ERAP1: variants seen among roughly 807,000 people sequenced by gnomAD.
The protein encoded by ERAP1 is endoplasmic reticulum aminopeptidase 1.
A neutral mutation model predicts 103.7 loss-of-function variants in ERAP1; 86 were observed. The observed-to-expected ratio is 0.83, with a 90% confidence interval of 0.70 to 0.99. The LOEUF (loss-of-function observed/expected upper bound fraction) is 0.99. Ranked by LOEUF, ERAP1 falls within the 50% of genes least tolerant of loss-of-function variation. ERAP1 has a pLI of 0.00. For synonymous variants in ERAP1, 398 were observed against 402.4 expected, an observed-to-expected ratio of 0.99 and a Z score of 0.13; for missense variants, 1,009 against 1,128.4, an observed-to-expected ratio of 0.89 and a Z score of 1.52.
chr5:96,818,263 A>T, the ERAP1 span, among the ~76,000 whole-genome samples: 1 of 151,706 alleles, frequency 6.6e-6, no homozygotes, highest in South Asian at 2.1e-4. Context: ...TGCTCAACAC[A>T]CCTCCCTTTC....
chr5:96,895,394 T>A, the ERAP1 span: 1 of 1,328,382 alleles, frequency 7.5e-7, no homozygotes, highest in African/African-American at 1.5e-5. Flanking sequence ...TACTATATGG[T>A]GTAAAGAATC....
chr5:96,869,498 C>A, the ERAP1 span, among the ~76,000 whole-genome samples: 4,735 of 152,214 alleles, frequency 0.031, 268 homozygotes, highest in African/African-American at 0.11. Context: ...ATTTAGTTTA[C>A]AGATTTATTA....
At chr5:96,861,765 C>A in the ERAP1 span, among the ~76,000 whole-genome samples, 1 of 152,150 alleles carries the variant, frequency 6.6e-6, no homozygotes, top group African/African-American at 2.4e-5. Flanking sequence ...AAGTACATGG[C>A]CCAGCATTTG....
chr5:96,790,412 C>T, intron 9 of ERAP1, 45 bp from the exon 10 acceptor site: 7 of 1,609,882 alleles, frequency 4.3e-6, no homozygotes, highest in Non-Finnish European at 6.0e-6. Context: ...CTATAGAAAA[C>T]AATGATTCTC....
chr5:96,927,579 C>G, the ERAP1 span, among the ~76,000 whole-genome samples: 1 of 151,962 alleles, frequency 6.6e-6, no homozygotes, highest in African/African-American at 2.4e-5. Context: ...CTCCGCCTCC[C>G]GGGTTCACGC....
the ERAP1 span, among the ~76,000 whole-genome samples, chr5:96,856,365 T>TATATAGAGAGAGAGAGAGAGAG: frequency 1.5e-4 from 3 of 20,384 alleles, no homozygotes; most frequent in Non-Finnish European, 2.2e-4. Context: ...TATATATATA[T>TATATAGAGAGAGAGAGAGAGAG]AGAGAGAGAG....
At chr5:96,872,631 T>A in the ERAP1 span, among the ~76,000 whole-genome samples, 2 of 152,086 alleles carry the variant, frequency 1.3e-5, no homozygotes, top group African/African-American at 4.8e-5. Context: ...AAGTAACTGA[T>A]GCAGGTAAAG....
chr5:96,902,389 T>G, the ERAP1 span: 2 of 1,328,576 alleles, frequency 1.5e-6, no homozygotes, highest in Non-Finnish European at 2.2e-6. Flanking sequence ...TATTTCAATG[T>G]GGAAATTAAA....
At chr5:96,805,939 G>A (rs910072507) in intron 1 of ERAP1, 1 of 152,432 alleles carries the variant, frequency 6.6e-6, no homozygotes, top group African/African-American at 2.4e-5. Context: ...TGCGGAAGGG[G>A]TTGGTACCGG....
chr5:96,799,024 C>T (rs183471389), intron 3 of ERAP1, among the ~76,000 whole-genome samples: 79 of 151,926 alleles, frequency 5.2e-4, no homozygotes, highest in African/African-American at 1.8e-3. Flanking sequence ...TGTGCCACCA[C>T]GCCCAGCTAA....
intron 1 of ERAP1, chr5:96,806,018 C>T (rs1236151403): frequency 6.6e-6 from 1 of 152,212 alleles, no homozygotes; most frequent in Non-Finnish European, 1.5e-5. Flanking sequence ...TATGTCTCAA[C>T]GAGGATGCAG....
chr5:96,910,364 T>C, the ERAP1 span: 2 of 152,196 alleles, frequency 1.3e-5, no homozygotes, highest in Non-Finnish European at 2.9e-5. Flanking sequence ...AAATCCTTTC[T>C]TGAATTCTTC....
the ERAP1 span, among the ~76,000 whole-genome samples, chr5:96,912,190 A>G: frequency 6.8e-6 from 1 of 147,614 alleles, no homozygotes; most frequent in African/African-American, 2.5e-5. Flanking sequence ...CTCCACCTCA[A>G]AAAAAAAAAA....
At chr5:96,903,498 C>T in the ERAP1 span, 1 of 1,614,004 alleles carries the variant, frequency 6.2e-7, no homozygotes, top group Non-Finnish European at 8.5e-7. Context: ...TGAATCAGAA[C>T]CACACACTTC....
At chr5:96,855,845 T>C in the ERAP1 span, among the ~76,000 whole-genome samples, 1 of 152,108 alleles carries the variant, frequency 6.6e-6, no homozygotes, top group East Asian at 1.9e-4. Flanking sequence ...AATTTTCAGT[T>C]CTCAAATAAT....
intron 19 of ERAP1, among the ~76,000 whole-genome samples, chr5:96,768,714 C>T (rs1187739908): frequency 1.3e-5 from 2 of 152,172 alleles, no homozygotes; most frequent in Non-Finnish European, 2.9e-5. Context: ...TGCTCATTTG[C>T]TCTCTGGAGC....
chr5:96,797,446 C>T (rs531068482), intron 3 of ERAP1, 137 bp from the exon 4 acceptor site: 1 of 930,238 alleles, frequency 1.1e-6, no homozygotes, highest in African/African-American at 1.6e-5. Flanking sequence ...AGGCAGAATG[C>T]TTGAGCTCAG....
the ERAP1 span, among the ~76,000 whole-genome samples, chr5:96,885,255 G>A: frequency 6.6e-6 from 1 of 152,100 alleles, no homozygotes; most frequent in Non-Finnish European, 1.5e-5. Flanking sequence ...GCTGAGTTTG[G>A]TCAGAAGACC....
rs949504455 is a variant in ERAP1 at position 96,797,404 on chromosome 5, G to A, written c.664-95C>T. 15 of 1,414,344 alleles carry A rather than the reference G, an allele frequency of 1.1e-5. No homozygotes were observed. The South Asian group carries it at 1.8e-4, about 17-fold the overall frequency. The allele number at this position is 1,414,344 out of a possible 1,614,324, so 87.6% of individuals were successfully genotyped here. A position where few individuals can be genotyped will look rare whatever the true frequency, so the allele number is the denominator to read the frequency against. On this transcript the variant is annotated intron_variant, in intron 3 of 18. Coordinates refer to ENST00000443439, the MANE Select transcript of ERAP1 (RefSeq NM_001040458.3). ...AATTATCAGACATAATATTAAAAGT[G>A]TATCAATCCCAGCACTTGGGGAGTC...
Sources: allele counts gnomAD v4.1 joint callset (sites outside exome capture counted in the v4.1 genomes callset), GRCh38; gene constraint gnomAD v4.1.1; transcripts MANE v1.5; gene names NCBI Gene and HGNC (gene_info 2026-07-23, HGNC 2026-07-21).